KIAA0232: variants seen among roughly 807,000 people sequenced by gnomAD.
KIAA0232 encodes the protein uncharacterized protein KIAA0232.
A neutral mutation model predicts 122.0 loss-of-function variants in KIAA0232; 27 were observed. The ratio of observed to expected loss-of-function variants is 0.22; its 90% confidence interval spans 0.16 to 0.31. KIAA0232 has a LOEUF of 0.31. Among genes scored for constraint, KIAA0232 ranks in the 10% least tolerant of loss-of-function variants. KIAA0232 has a pLI of 1.00. For missense variants in KIAA0232, 1,551 were observed against 1,634.2 expected, an observed-to-expected ratio of 0.95 and a Z score of 0.88; for synonymous variants, 613 against 587.6, an observed-to-expected ratio of 1.04 and a Z score of -0.63.
intron 4 of KIAA0232, among the ~76,000 whole-genome samples, chr4:6,847,103 G>C (rs891208489): frequency 6.6e-6 from 1 of 152,102 alleles, no homozygotes; most frequent in African/African-American, 2.4e-5. Flanking sequence ...TATAAGTATA[G>C]GTAGGAAGTA....
chr4:6,862,984 C>G lies in KIAA0232; in HGVS notation c.2602C>G (p.Leu868Val). ...CTGCTGTCTAGATGCTGAAGCTGAA[C>G]TGGAGACCCTTCAGGAGCCTGATAA... The part of the protein sequence containing the change: ...YCCCLDAEAE[L>V]ETLQEPDKAV... The change falls in exon 7 of 10, where the codon CTG becomes GTG. Residue 868 changes from leucine to valine, a missense_variant. Leu to Val is a conservative substitution (Grantham distance 32, BLOSUM62 1). Transcript: ENST00000307659. 1 of 1,614,224 alleles carries G rather than the reference C, an allele frequency of 6.2e-7. No individual in the cohort carries two copies.
intron 4 of KIAA0232, among the ~76,000 whole-genome samples, chr4:6,846,288 A>G (rs1035358403): frequency 6.6e-6 from 1 of 152,132 alleles, no homozygotes; most frequent in Non-Finnish European, 1.5e-5. Flanking sequence ...GCATCAATCT[A>G]TAGATCCCTT....
At chr4:6,864,278 T>A in intron 7 of KIAA0232, 95 bp downstream of exon 7, 1 of 1,353,772 alleles carries the variant, frequency 7.4e-7, no homozygotes. Context: ...GGTTAAATTA[T>A]TGGGAAATTA....
At chr4:6,809,683 A>G (rs1472574129) in intron 2 of KIAA0232, among the ~76,000 whole-genome samples, 3 of 152,208 alleles carry the variant, frequency 2.0e-5, no homozygotes. Context: ...TAGAAAAACT[A>G]AAGACTCCAC....
At chr4:6,819,814 C>G (rs1718333705) in intron 2 of KIAA0232, among the ~76,000 whole-genome samples, 1 of 152,128 alleles carries the variant, frequency 6.6e-6, no homozygotes, top group African/African-American at 2.4e-5. Context: ...CATCACGGCA[C>G]TATTCACACT....
At chr4:6,822,457 A>C (rs146236269) in intron 2 of KIAA0232, among the ~76,000 whole-genome samples, 1 of 152,284 alleles carries the variant, frequency 6.6e-6, no homozygotes. Context: ...TTCTGACTTG[A>C]TGCTTTTACT....
intron 9 of KIAA0232, among the ~76,000 whole-genome samples, chr4:6,879,013 C>T (rs1267459946): frequency 6.6e-6 from 1 of 152,188 alleles, no homozygotes; most frequent in Non-Finnish European, 1.5e-5. Context: ...CTCTCATCTT[C>T]CACACACAGT....
Position 6,837,005 on chromosome 4 carries a change from T to G in KIAA0232, c.232-5062T>G, listed in dbSNP as rs192964735. Among the ~76,000 whole-genome samples, 652 of 152,308 alleles carry G rather than the reference T, an allele frequency of 4.3e-3. 3 individuals carry two copies. The highest frequency in any genetic ancestry group is 0.015 in the African/African-American group (625 of 41,568). On this transcript the variant is annotated intron_variant, in intron 3 of 9. Transcript: ENST00000307659. Reference sequence around the variant, plus strand: ...TTCTTTTCCCCACACTTCCCCCCTTTCTATTCGACAAAACCGCCATCGTCA... The same window carrying G: ...TTCTTTTCCCCACACTTCCCCCCTTGCTATTCGACAAAACCGCCATCGTCA...
intron 3 of KIAA0232, among the ~76,000 whole-genome samples, chr4:6,837,489 G>A (rs1343068259): frequency 3.9e-5 from 6 of 152,094 alleles, no homozygotes; most frequent in Admixed American, 3.3e-4. Context: ...GGGCAGAGAC[G>A]CTCCTCACTT....
intron 3 of KIAA0232, among the ~76,000 whole-genome samples, chr4:6,831,848 C>G (rs905983207): frequency 2.0e-5 from 3 of 152,206 alleles, no homozygotes; most frequent in South Asian, 2.1e-4. Flanking sequence ...AGTTCTGCTG[C>G]TTTCTTTGCC....
At chr4:6,800,935 T>C (rs557620687) in intron 1 of KIAA0232, among the ~76,000 whole-genome samples, 2 of 152,328 alleles carry the variant, frequency 1.3e-5, no homozygotes, top group East Asian at 1.9e-4. Context: ...GCAGTGCTTT[T>C]CCAACAGCTT....
chr4:6,806,225 C>CT (rs1231447916), intron 2 of KIAA0232, among the ~76,000 whole-genome samples: 1 of 152,100 alleles, frequency 6.6e-6, no homozygotes, highest in Non-Finnish European at 1.5e-5. Flanking sequence ...TCTAATTGGT[C>CT]TAAGTGAACT....
chr4:6,862,900 A>C lies in KIAA0232; in HGVS notation c.2518A>C (p.Thr840Pro). The C allele has an allele frequency of 6.2e-7, 1 of 1,614,242 alleles. No homozygotes were observed. The highest frequency in any genetic ancestry group is 1.3e-5 in the African/African-American group (1 of 75,068). ...TKMADTNSVA[T>P]VEIERTDAEL... ...GATGGCAGACACAAATTCTGTGGCT[A>C]CAGTAGAAATAGAAAGAACTGATGC... is the stretch of plus-strand genomic sequence containing the variant. The change falls in exon 7 of 10, where the codon ACA (threonine) becomes CCA (proline). Residue 840 changes from threonine (T) to proline (P), a missense_variant. This residue lies in a region of KIAA0232 where 1,108 missense variants were observed against 1,154.8 expected (regional missense o/e 0.96). Coordinates refer to ENST00000307659, the MANE Select transcript of KIAA0232 (RefSeq NM_014743.3).
chr4:6,844,122 A>G (rs1333094724), intron 4 of KIAA0232, among the ~76,000 whole-genome samples: 1 of 150,964 alleles, frequency 6.6e-6, no homozygotes, highest in Non-Finnish European at 1.5e-5. Flanking sequence ...TGTATTTTTT[A>G]GTAGTGATGG....
At chr4:6,846,401 G>T (rs533766392) in intron 4 of KIAA0232, among the ~76,000 whole-genome samples, 1 of 152,262 alleles carries the variant, frequency 6.6e-6, no homozygotes, top group East Asian at 1.9e-4. Flanking sequence ...AAGCTTTACC[G>T]CCTGAGCTCC....
intron 7 of KIAA0232, among the ~76,000 whole-genome samples, chr4:6,865,592 C>T (rs1336505945): frequency 6.6e-6 from 1 of 152,198 alleles, no homozygotes; most frequent in African/African-American, 2.4e-5. Flanking sequence ...TGAGCCACCG[C>T]GTCCGGCCCA....
chr4:6,854,963 C>T (rs547069579), intron 4 of KIAA0232, among the ~76,000 whole-genome samples: 128 of 152,190 alleles, frequency 8.4e-4, no homozygotes, highest in Non-Finnish European at 1.4e-3. Context: ...TGTAAATTAA[C>T]ACTTTGGAAC....
In KIAA0232 at chr4:6,871,759, A is replaced by G. The variant is rs888749561; in HGVS notation, c.3910+77A>G. ...AGAGCAATAATTTCTTTTTCTATGA[A>G]TATCAGTCCAAGAAACATTTACCAA... On this transcript the variant is annotated intron_variant, in intron 8 of 9. Coordinates refer to ENST00000307659, the MANE Select transcript of KIAA0232 (RefSeq NM_014743.3). The G allele has an allele frequency of 6.3e-4, 569 of 896,896 alleles. 4 individuals carry two copies. Among genetic ancestry groups the G allele is most frequent in the Non-Finnish European group, 1.0e-4 (56 of 551,112 alleles). 55.6% of individuals were successfully genotyped at this position (896,896 alleles called of 1,614,324 possible). A position where few individuals can be genotyped will look rare whatever the true frequency, so the allele number is the denominator to read the frequency against.
chr4:6,861,046 C>T lies in KIAA0232; in HGVS notation c.664C>T (p.Pro222Ser). Residue 222 changes from proline to serine, a missense_variant, in exon 7 of 10, where the codon CCT (proline) becomes TCT (serine). Coordinates refer to ENST00000307659, the MANE Select transcript of KIAA0232 (RefSeq NM_014743.3). ...APPASTDTSS[P>S]KDCNSESEVT... ...ACCAGCTAGCACAGATACTTCCTCTCCTAAGGACTGCAACAGTGAAAGTGA... is the reference window on the plus strand; with the variant it reads ...ACCAGCTAGCACAGATACTTCCTCTTCTAAGGACTGCAACAGTGAAAGTGA... 1 of 1,614,172 alleles carries T rather than the reference C, an allele frequency of 6.2e-7. No individual in the cohort carries two copies. The highest frequency in any genetic ancestry group is 1.3e-5 in the African/African-American group (1 of 75,032).
Sources: gnomAD v4.1 joint callset for allele counts (sites outside exome capture counted in the v4.1 genomes callset) on GRCh38, gnomAD v4.1.1 for gene constraint, gnomAD v4.1.1 regional missense constraint, MANE v1.5 for transcripts, NCBI Gene and HGNC (gene_info 2026-07-23, HGNC 2026-07-21) for gene names.